FAM222B: variants seen among roughly 807,000 people sequenced by gnomAD.
FAM222B encodes the protein protein FAM222B.
A neutral mutation model predicts 38.0 loss-of-function variants in FAM222B; 12 were observed. The ratio of observed to expected loss-of-function variants is 0.32; its 90% CI spans 0.20 to 0.51. FAM222B has a LOEUF of 0.51. Ranked by LOEUF, FAM222B falls within the 20% of genes least tolerant of loss-of-function variation. The pLI is 0.97. For synonymous variants in FAM222B, 329 were observed against 317.2 expected (o/e 1.04, Z -0.40); for missense variants, 716 against 754.2 (o/e 0.95, Z 0.59).
At chr17:28,824,122 C>A (rs1183208359) in intron 1 of FAM222B, among the ~76,000 whole-genome samples, 1 of 152,032 alleles carries the variant, frequency 6.6e-6, no homozygotes, top group Non-Finnish European at 1.5e-5. Context: ...CATGATCCAC[C>A]CGCCTCGGCC....
chr17:28,850,783 T>C (rs1429384449), intron 1 of FAM222B, among the ~76,000 whole-genome samples: 1 of 152,150 alleles, frequency 6.6e-6, no homozygotes, highest in Non-Finnish European at 1.5e-5. Context: ...GTGCAGTGTC[T>C]GACCAATTTT....
intron 1 of FAM222B, among the ~76,000 whole-genome samples, chr17:28,786,018 G>A (rs551568010): frequency 3.0e-4 from 46 of 151,302 alleles, no homozygotes; most frequent in African/African-American, 1.1e-3. Flanking sequence ...ATTTTTAGTA[G>A]AGACGGGGTT....
At chr17:28,810,900 T>C (rs1033764580) in intron 1 of FAM222B, among the ~76,000 whole-genome samples, 1 of 152,130 alleles carries the variant, frequency 6.6e-6, no homozygotes, top group Non-Finnish European at 1.5e-5. Flanking sequence ...AATAAATCAA[T>C]GCAAAGAAAA....
rs933513950 is a variant in FAM222B, at chr17:28,757,310, A to G, written c.*960T>C. 1 of 152,618 alleles carries G rather than the reference A, an allele frequency of 6.6e-6. No individual in the cohort carries two copies. The highest frequency in any genetic ancestry group is 1.5e-5 in the Non-Finnish European group (1 of 68,036). The allele number at this position is 152,618 out of a possible 1,614,324, so 9.5% of individuals were successfully genotyped here. On this transcript the variant is annotated 3_prime_UTR_variant, in exon 3 of 3. Coordinates refer to ENST00000581407, the MANE Select transcript of FAM222B (RefSeq NM_001077498.3). ...TCAAACCCACACTACATTCATACAG[A>G]AACGTAACGTTTAAAACTTACAGTG... is the stretch of plus-strand genomic sequence containing the variant.
chr17:28,843,340 T>C (rs2039107760), upstream of FAM222B, among the ~76,000 whole-genome samples: 1 of 149,942 alleles, frequency 6.7e-6, no homozygotes, highest in Non-Finnish European at 1.5e-5. Flanking sequence ...TTTTATCATG[T>C]TGGTCAGGCT....
chr17:28,786,085 G>T (rs1378539437), intron 1 of FAM222B, among the ~76,000 whole-genome samples: 1 of 151,854 alleles, frequency 6.6e-6, no homozygotes, highest in Non-Finnish European at 1.5e-5. Context: ...ATCCACCTCG[G>T]CCTCCCAAAG....
intron 1 of FAM222B, among the ~76,000 whole-genome samples, chr17:28,814,184 A>T (rs1362181055): frequency 6.6e-6 from 1 of 151,968 alleles, no homozygotes; most frequent in East Asian, 1.9e-4. Flanking sequence ...ACTCCAAAAA[A>T]AAAAAAAGAA....
At chr17:28,772,659 G>A (rs183884252) in intron 1 of FAM222B, among the ~76,000 whole-genome samples, 12 of 152,142 alleles carry the variant, frequency 7.9e-5, no homozygotes, top group African/African-American at 2.2e-4. Flanking sequence ...CACTTTGGGA[G>A]GCCAAGGTGG....
intron 1 of FAM222B, among the ~76,000 whole-genome samples, chr17:28,835,546 A>C (rs1317718535): frequency 1.3e-5 from 2 of 152,176 alleles, no homozygotes; most frequent in Non-Finnish European, 2.9e-5. Flanking sequence ...AAAAGACATT[A>C]CACAAATTCG....
intron 1 of FAM222B, among the ~76,000 whole-genome samples, chr17:28,792,084 G>A (rs932770400): frequency 6.6e-6 from 1 of 151,110 alleles, no homozygotes; most frequent in East Asian, 2.0e-4. Context: ...GGCCAAGGCG[G>A]GCGGATCGCG....
rs192183191 is a variant in FAM222B at position 28,759,594 on chromosome 17, C to T, written c.365G>A (p.Arg122Gln). 2.9e-5 allele frequency: 46 copies of T among 1,612,198 alleles called. No homozygotes were observed. Among genetic ancestry groups the T allele is most frequent in the East Asian group, 6.7e-5 (3 of 44,816 alleles). The change falls in exon 3 of 3, where the codon CGG (arginine) becomes CAG (glutamine). Residue 122 changes from arginine (R) to glutamine (Q), a missense_variant. Coordinates refer to ENST00000581407, the MANE Select transcript of FAM222B (RefSeq NM_001077498.3). The surrounding 1 kb of genome is among the most constrained non-coding windows in gnomAD (Gnocchi z 4.8). ...ILKDFDGTRA[R>Q]LLPEAIMNPP... Reference sequence around the variant, plus strand: ...GTTCATGATGGCCTCAGGGAGCAACCGGGCTCGGGTGCCGTCAAAGTCCTT... The same window carrying T: ...GTTCATGATGGCCTCAGGGAGCAACTGGGCTCGGGTGCCGTCAAAGTCCTT...
chr17:28,793,208 T>C (rs1001176240), intron 1 of FAM222B, among the ~76,000 whole-genome samples: 1 of 152,148 alleles, frequency 6.6e-6, no homozygotes, highest in Non-Finnish European at 1.5e-5. Flanking sequence ...AGTGCTGGGA[T>C]TGCAGTTGTG....
intron 1 of FAM222B, among the ~76,000 whole-genome samples, chr17:28,804,938 C>T (rs751984950): frequency 6.6e-6 from 1 of 151,514 alleles, no homozygotes. Context: ...CCCAGCTACT[C>T]GGGAGGCTGA....
In FAM222B at chr17:28,800,818, G is replaced by A. The variant is rs1487029540; in HGVS notation, c.-40-34111C>T. Among the ~76,000 whole-genome samples, 20 of 141,054 alleles carry A rather than the reference G, an allele frequency of 1.4e-4. No homozygotes were observed. In the Admixed American group the frequency reaches 1.5e-3, roughly 10 times the overall value. 92.5% of individuals were successfully genotyped at this position (141,054 alleles called of 152,430 possible). A position where few individuals can be genotyped will look rare whatever the true frequency, so the allele number is the denominator to read the frequency against. On this transcript the variant is annotated intron_variant, in intron 1 of 2. Transcript: ENST00000581407. Reference sequence around the variant, plus strand: ...CAAGACAAGTTAAAACTAAGATGTGGATTCTTAATTAAGCTACTAGTTCCA... The same window carrying A: ...CAAGACAAGTTAAAACTAAGATGTGAATTCTTAATTAAGCTACTAGTTCCA...
chr17:28,784,854 G>T (rs574607304), intron 1 of FAM222B, among the ~76,000 whole-genome samples: 1 of 152,028 alleles, frequency 6.6e-6, no homozygotes, highest in East Asian at 1.9e-4. Context: ...GGGCTCAAGT[G>T]ATCCTCCCAC....
At chr17:28,809,639 C>T (rs1045339488) in intron 1 of FAM222B, among the ~76,000 whole-genome samples, 3 of 152,042 alleles carry the variant, frequency 2.0e-5, no homozygotes, top group African/African-American at 7.2e-5. Flanking sequence ...CTAATTATTG[C>T]ACCATGCAAA....
At chr17:28,808,136 G>A (rs1597982593) in intron 1 of FAM222B, among the ~76,000 whole-genome samples, 3 of 152,304 alleles carry the variant, frequency 2.0e-5, no homozygotes, top group African/African-American at 7.2e-5. Flanking sequence ...ACGTCCAGCA[G>A]GCCCAAGAGC....
chr17:28,772,931 A>C (rs1169852293), intron 1 of FAM222B, among the ~76,000 whole-genome samples: 1 of 152,130 alleles, frequency 6.6e-6, no homozygotes, highest in Non-Finnish European at 1.5e-5. Context: ...AAACTATGGC[A>C]AAGAGGCATT....
intron 1 of FAM222B, among the ~76,000 whole-genome samples, chr17:28,792,503 G>C (rs921882824): frequency 4.7e-5 from 7 of 150,350 alleles, no homozygotes; most frequent in African/African-American, 9.8e-5. Context: ...CAAACAAGTT[G>C]GGCGCAGTGG....
Sources: gnomAD v4.1 joint callset for allele counts (sites outside exome capture counted in the v4.1 genomes callset) on GRCh38, gnomAD v4.1.1 for gene constraint, Gnocchi (gnomAD v3.1) non-coding constraint, MANE v1.5 for transcripts, NCBI Gene and HGNC (gene_info 2026-07-23, HGNC 2026-07-21) for gene names.